GRAMD1A: variants seen among roughly 807,000 people sequenced by gnomAD.
GRAMD1A encodes the protein protein Aster-A.
Under a neutral mutation model 92.0 loss-of-function variants are expected in GRAMD1A, and 50 were observed. The observed-to-expected ratio is 0.54, with a 90% CI of 0.43 to 0.69. The LOEUF (loss-of-function observed/expected upper bound fraction) is 0.69. Among genes scored for constraint, GRAMD1A ranks in the 30% least tolerant of loss-of-function variants. The probability of loss-of-function intolerance (pLI) is 0.00; values close to 1 mark genes in which losing one functional copy is unlikely to be tolerated. For missense variants in GRAMD1A, 819 were observed against 978.9 expected (o/e 0.84, Z 2.18); for synonymous variants, 405 against 403.6 (o/e 1.00, Z -0.04).
At chr19:34,996,804 A>C (rs111602772), upstream of GRAMD1A, among the ~76,000 whole-genome samples, 320 of 109,130 alleles carry the variant, frequency 2.9e-3, 1 homozygote, top group Middle Eastern at 9.8e-3. Context: ...ACTCTGTCTC[A>C]AAAAAAAAAA....
intron 16 of GRAMD1A, among the ~76,000 whole-genome samples, chr19:35,022,428 G>A (rs2016126091): frequency 6.6e-6 from 1 of 152,172 alleles, no homozygotes; most frequent in African/African-American, 2.4e-5. Context: ...GGACACCGCA[G>A]TGACCTTGAG....
chr19:35,014,369 T>C lies in GRAMD1A; in HGVS notation c.1051T>C (p.Ser351Pro). 6.2e-7 allele frequency: 1 copy of C among 1,613,836 alleles called. No homozygotes were observed. Among genetic ancestry groups the C allele is most frequent in the Non-Finnish European group, 8.5e-7 (1 of 1,179,738 alleles). Residue 351 changes from serine to proline, a missense_variant, in exon 10 of 20, where the codon TCA becomes CCA. Around this residue, in one of 3 missense-constraint regions of GRAMD1A, gnomAD observed 577 missense variants for 674.6 expected, o/e 0.86. Coordinates refer to ENST00000317991, the MANE Select transcript of GRAMD1A (RefSeq NM_020895.5). ...ELLTDTSNSS[S>P]STGEEADLAA... ...ATTGACAGACACAAGTAACTCCTCTTCATCCACTGGGGAGGAAGGTGAGGC... is the reference window on the plus strand; with the variant it reads ...ATTGACAGACACAAGTAACTCCTCTCCATCCACTGGGGAGGAAGGTGAGGC...
intron 10 of GRAMD1A, chr19:35,014,860 T>C (rs2015511246): frequency 6.0e-6 from 1 of 165,506 alleles, no homozygotes; most frequent in South Asian, 1.4e-4. Flanking sequence ...GACCCCGTTT[T>C]GTACAAAAAA....
At chr19:35,023,777 T>C in intron 19 of GRAMD1A, 1 of 463,828 alleles carries the variant, frequency 2.2e-6, no homozygotes, top group East Asian at 3.4e-5. Context: ...CAGAGGCGTC[T>C]CACATTAGGC....
At chr19:35,009,370 G>T in intron 2 of GRAMD1A, 41 bp downstream of exon 2, 1 of 1,613,476 alleles carries the variant, frequency 6.2e-7, no homozygotes, top group Non-Finnish European at 8.5e-7. Context: ...GGGCTAGTGG[G>T]GGCTGGCCGG....
At chr19:35,018,644 A>T (rs2015814098) in intron 11 of GRAMD1A, among the ~76,000 whole-genome samples, 1 of 152,150 alleles carries the variant, frequency 6.6e-6, no homozygotes. Context: ...CCAGATGGGG[A>T]GACTGAGGCC....
chr19:35,020,997 G>A (rs767655941), intron 13 of GRAMD1A, among the ~76,000 whole-genome samples: 1 of 152,192 alleles, frequency 6.6e-6, no homozygotes, highest in Non-Finnish European at 1.5e-5. Context: ...TGGATGTGGC[G>A]GTGAGGGAAA....
At chr19:35,025,910 C>T (rs1248033984) in intron 19 of GRAMD1A, 139 bp from the exon 20 acceptor site, 3 of 649,714 alleles carry the variant, frequency 4.6e-6, no homozygotes, top group Non-Finnish European at 8.5e-6. Flanking sequence ...TGGCTGTGCT[C>T]TTTTCACCAA....
At chr19:35,000,037 G>A, upstream of GRAMD1A, 1 of 985,130 alleles carries the variant, frequency 1.0e-6, no homozygotes, top group Non-Finnish European at 1.2e-6. This position sits in a 1 kb window ranked among gnomAD's most constrained non-coding sequence, Gnocchi z 4.9. Context: ...TAGTTGCTAG[G>A]GACCCTTTTC....
At chr19:35,018,980 G>T (rs1439815867) in intron 11 of GRAMD1A, among the ~76,000 whole-genome samples, 1 of 152,048 alleles carries the variant, frequency 6.6e-6, no homozygotes, top group Non-Finnish European at 1.5e-5. Context: ...CAAGACGGGT[G>T]CAGAGGGGGA....
Position 35,021,928 on chromosome 19 carries a change from G to A in GRAMD1A, c.1754-23G>A. 6.2e-7 allele frequency: 1 copy of A among 1,613,322 alleles called. No homozygotes were observed. Among genetic ancestry groups the A allele is most frequent in the Non-Finnish European group, 8.5e-7 (1 of 1,179,546 alleles). On this transcript the variant is annotated intron_variant, in intron 15 of 19. Coordinates refer to ENST00000317991, the MANE Select transcript of GRAMD1A (RefSeq NM_020895.5). This position sits in a 1 kb window ranked among gnomAD's most constrained non-coding sequence, Gnocchi z 5.3. ...TCGGGGGTCCTGGACTGGGCCATCT[G>A]ACTCCAAGCTGCTCTCCTGCAGGCT...
At chr19:35,019,075 G>T in intron 11 of GRAMD1A, 116 bp from the exon 12 acceptor site, 1 of 704,178 alleles carries the variant, frequency 1.4e-6, no homozygotes, top group Non-Finnish European at 2.5e-6. Context: ...GGACACAGAG[G>T]AGTGGTGGGG....
intron 1 of GRAMD1A, among the ~76,000 whole-genome samples, chr19:35,002,029 T>G (rs1568314915): frequency 6.6e-6 from 1 of 152,122 alleles, no homozygotes; most frequent in Non-Finnish European, 1.5e-5. Context: ...AACATTCCCT[T>G]GTGTATTCCT....
chr19:35,020,159 A>G (rs2015946054), intron 13 of GRAMD1A, among the ~76,000 whole-genome samples: 1 of 152,178 alleles, frequency 6.6e-6, no homozygotes, highest in Non-Finnish European at 1.5e-5. Flanking sequence ...TGGGAGGCTG[A>G]GGCAGGAGTA....
rs533330239 is a variant in GRAMD1A at position 35,026,341 on chromosome 19, C to A, written c.*200C>A. The A allele has an allele frequency of 3.4e-6, 2 of 588,022 alleles. No homozygotes were observed. The highest frequency in any genetic ancestry group is 5.6e-5 in the East Asian group (2 of 35,956). 36.4% of individuals were successfully genotyped at this position (588,022 alleles called of 1,614,324 possible). A position where few individuals can be genotyped will look rare whatever the true frequency, so the allele number is the denominator to read the frequency against. Reference sequence around the variant, plus strand: ...AGCTGGCCCGGCCTCTGGCAGGCCCCCCACTAACTTATTTTGCCCGGCTGA... The same window carrying A: ...AGCTGGCCCGGCCTCTGGCAGGCCCACCACTAACTTATTTTGCCCGGCTGA... On this transcript the variant is annotated 3_prime_UTR_variant, in exon 20 of 20. Transcript: ENST00000317991.
Position 35,015,909 on chromosome 19 carries a change from G to A in GRAMD1A, c.1155G>A (p.Gln385=). Residue 385 remains glutamine (Q), a synonymous_variant, in exon 11 of 20, where the codon CAG becomes CAA. Coordinates refer to ENST00000317991, the MANE Select transcript of GRAMD1A (RefSeq NM_020895.5). ...ATGTGGGCGCTGAGCGGCTCCAGCA[G>A]ATGCTCTTCTCGGACTCGCCCTTCC... The part of the protein sequence containing the change: ...VFHVGAERLQ[Q]MLFSDSPFLQ... The A allele has an allele frequency of 6.2e-7, 1 of 1,614,142 alleles. No homozygotes were observed. The highest frequency in any genetic ancestry group is 2.2e-5 in the East Asian group (1 of 44,878).
upstream of GRAMD1A, among the ~76,000 whole-genome samples, chr19:34,996,466 T>C (rs138017287): frequency 1.1e-4 from 16 of 152,300 alleles, no homozygotes; most frequent in Non-Finnish European, 1.6e-4. Flanking sequence ...AGGGTGTGCG[T>C]TGGGACAACC....
chr19:35,017,996 T>G (rs778821635), intron 11 of GRAMD1A, among the ~76,000 whole-genome samples: 1 of 151,968 alleles, frequency 6.6e-6, no homozygotes, highest in Non-Finnish European at 1.5e-5. Context: ...ATTTATTTAT[T>G]TATTTATTTT....
At chr19:35,026,466 A>AGTGGCTGTGGCT (rs2016448504) in exon 20 of GRAMD1A, 1 of 317,278 alleles carries the variant, frequency 3.2e-6, no homozygotes, top group Non-Finnish European at 5.9e-6. Flanking sequence ...AAGGGTCAGA[A>AGTGGCTGTGGCT]GTGGCTGTGG....
Sources: allele counts gnomAD v4.1 joint callset (sites outside exome capture counted in the v4.1 genomes callset), GRCh38; gene constraint gnomAD v4.1.1; regional missense constraint gnomAD v4.1.1; non-coding constraint Gnocchi (gnomAD v3.1); transcripts MANE v1.5; gene names NCBI Gene and HGNC (gene_info 2026-07-23, HGNC 2026-07-21).